The following CAPN11 variants were observed in gnomAD, a reference collection of about 807,000 sequenced individuals.
CAPN11 encodes calpain-11.
CAPN11 carries 108 observed loss-of-function variants against 105.3 expected under a neutral mutation model. That is an observed-to-expected ratio of 1.03 (90% confidence interval 0.88 to 1.20). The LOEUF (loss-of-function observed/expected upper bound fraction) is 1.20. Among genes scored for constraint, CAPN11 ranks in the 50% most tolerant of loss-of-function variants. CAPN11 has a pLI of 0.00. For missense variants in CAPN11, 883 were observed against 924.8 expected, an observed-to-expected ratio of 0.95 and a Z score of 0.59; for synonymous variants, 329 against 344.5, an observed-to-expected ratio of 0.96 and a Z score of 0.50.
At chr6:44,181,919 TAC>T (rs1773636914) in intron 19 of CAPN11, among the ~76,000 whole-genome samples, 1 of 8,400 alleles carries the variant, frequency 1.2e-4, no homozygotes, top group Non-Finnish European at 2.5e-4. Flanking sequence ...CACACACACA[TAC>T]ACACTCACAT....
intron 7 of CAPN11, among the ~76,000 whole-genome samples, 189 bp from the exon 8 acceptor site, chr6:44,175,879 A>G (rs1249038002): frequency 6.6e-6 from 1 of 152,200 alleles, no homozygotes; most frequent in Non-Finnish European, 1.5e-5. Context: ...TATGGGATAC[A>G]CGGGATTTCT....
At chr6:44,170,573 C>A (rs935884044) in intron 4 of CAPN11, among the ~76,000 whole-genome samples, 1 of 152,170 alleles carries the variant, frequency 6.6e-6, no homozygotes, top group Non-Finnish European at 1.5e-5. Flanking sequence ...AGAGAGAGGA[C>A]AAGGAGGAAG....
intron 20 of CAPN11, 40 bp downstream of exon 20, chr6:44,183,059 G>T: frequency 6.3e-7 from 1 of 1,596,518 alleles, no homozygotes; most frequent in Non-Finnish European, 8.6e-7. Context: ...GCAGGGAAGA[G>T]GATGGCAGTG....
intron 12 of CAPN11, 84 bp downstream of exon 12, chr6:44,177,504 T>TTTC (rs1371478060): frequency 2.7e-5 from 35 of 1,287,572 alleles, no homozygotes; most frequent in Non-Finnish European, 3.5e-5. Flanking sequence ...TTTTTTTTTT[T>TTTC]CGAGACAGAG....
Position 44,176,992 on chromosome 6 carries a change from C to G in CAPN11, c.1231C>G (p.His411Asp). Residue 411 changes from histidine (H) to aspartate (D), a missense_variant, in exon 11 of 23, where the codon CAC (histidine) becomes GAC (aspartate). His to Asp is a moderately conservative substitution (Grantham distance 81). Transcript: ENST00000398776. ...RGSSAGGCRN[H>D]PGTFWTNPQF... ...CAGCTCCGCAGGGGGCTGCAGGAAC[C>G]ACCCTGGTGGGTGAGGGGTGAGAGG... 1 of 1,611,728 alleles carries G rather than the reference C, an allele frequency of 6.2e-7. No homozygotes were observed. Among genetic ancestry groups the G allele is most frequent in the Non-Finnish European group, 8.5e-7 (1 of 1,179,128 alleles).
rs1381370580 is a variant in CAPN11 at position 44,180,856 on chromosome 6, C to T, written c.1804+51C>T. 3.1e-6 allele frequency: 5 copies of T among 1,605,818 alleles called. No individual in the cohort carries two copies. The African/African-American group carries it at 6.7e-5, about 22-fold the overall frequency. ...CGACCCCTCCCCCATATTTTGTGCCCCTCTTGATCACTCCCAGTGCCCCCA... is the reference window on the plus strand; with the variant it reads ...CGACCCCTCCCCCATATTTTGTGCCTCTCTTGATCACTCCCAGTGCCCCCA... On this transcript the variant is annotated intron_variant, in intron 17 of 22. Transcript: ENST00000398776.
intron 19 of CAPN11, among the ~76,000 whole-genome samples, chr6:44,182,264 A>ACATACACACT (rs1561855654): frequency 4.0e-5 from 3 of 75,110 alleles, no homozygotes; most frequent in Non-Finnish European, 9.5e-5. Flanking sequence ...ACACACACAC[A>ACATACACACT]CACATACAGA....
At chr6:44,181,349 G>A (rs1447210175) in intron 19 of CAPN11, 29 bp downstream of exon 19, 1 of 1,602,588 alleles carries the variant, frequency 6.2e-7, no homozygotes, top group Non-Finnish European at 8.5e-7. Context: ...GCAGCCTCCA[G>A]GGGTGAGGAA....
intron 2 of CAPN11, among the ~76,000 whole-genome samples, chr6:44,167,497 C>CAAAAAAAAA (rs61107654): frequency 3.7e-5 from 1 of 27,076 alleles, no homozygotes; most frequent in African/African-American, 1.2e-4. Flanking sequence ...GACTCCATCT[C>CAAAAAAAAA]AAAAAAAAAA....
chr6:44,161,631 A>G (rs558812212), intron 1 of CAPN11, among the ~76,000 whole-genome samples: 5 of 152,320 alleles, frequency 3.3e-5, no homozygotes, highest in African/African-American at 9.6e-5. Flanking sequence ...TGGGGGCCAG[A>G]CAGTGAGAAA....
At position 44,172,333 on chromosome 6, in the gene CAPN11, C is replaced by A; in HGVS notation, c.441C>A (p.Ser147=). 6.4e-7 allele frequency: 1 copy of A among 1,555,004 alleles called. No homozygotes were observed. The highest frequency in any genetic ancestry group is 1.4e-5 in the African/African-American group (1 of 72,442). ...GCTGGCTGCTGGCTGCCATCGGCTC[C>A]CTTACCACCTGCCCCAAACTGCTAT... is the stretch of plus-strand genomic sequence containing the variant. ...GDCWLLAAIG[S]LTTCPKLLYR... is the part of the protein sequence containing the mutation. The change falls in exon 5 of 23, where the codon TCC becomes TCA. Residue 147 remains serine (S), a synonymous_variant. Transcript: ENST00000398776.
At chr6:44,171,014 A>G (rs1340346917) in intron 4 of CAPN11, among the ~76,000 whole-genome samples, 1 of 152,202 alleles carries the variant, frequency 6.6e-6, no homozygotes, top group Non-Finnish European at 1.5e-5. Context: ...CTTAGACCCC[A>G]GGGCCGCTGC....
chr6:44,179,696 G>A (rs537975572), intron 13 of CAPN11, 66 bp downstream of exon 13: 1 of 1,548,670 alleles, frequency 6.5e-7, no homozygotes, highest in Non-Finnish European at 8.9e-7. Flanking sequence ...GGCTGCAAGT[G>A]GATTGGCAAA....
intron 9 of CAPN11, 74 bp downstream of exon 9, chr6:44,176,412 C>G: frequency 7.1e-7 from 1 of 1,404,360 alleles, no homozygotes; most frequent in East Asian, 2.3e-5. Flanking sequence ...GACTGGTGTC[C>G]CATCTAGGAG....
In CAPN11 at chr6:44,166,447, C is replaced by T. The variant is rs570867641; in HGVS notation, c.17-311C>T. On this transcript the variant is annotated intron_variant, in intron 1 of 22. Coordinates refer to ENST00000398776, the MANE Select transcript of CAPN11 (RefSeq NM_007058.4). ...TGCAGGTACCCCCTTGTAGGGCTGGCGTGCCTGGCACAGAGAAGGTGCTCA... is the reference window on the plus strand; with the variant it reads ...TGCAGGTACCCCCTTGTAGGGCTGGTGTGCCTGGCACAGAGAAGGTGCTCA... Among the ~76,000 whole-genome samples, 10 of 152,254 alleles carry T rather than the reference C, an allele frequency of 6.6e-5. No homozygotes were observed. In the East Asian group the frequency reaches 1.2e-3, roughly 18 times the overall value.
At chr6:44,180,258 T>A in intron 14 of CAPN11, 95 bp downstream of exon 14, 2 of 1,020,600 alleles carry the variant, frequency 2.0e-6, no homozygotes, top group East Asian at 2.6e-5. Flanking sequence ...CCTCACTTTG[T>A]CCCTATTTTA....
At chr6:44,175,627 A>C (rs374056149) in intron 7 of CAPN11, among the ~76,000 whole-genome samples, 4 of 152,090 alleles carry the variant, frequency 2.6e-5, no homozygotes, top group African/African-American at 9.6e-5. Context: ...AATACAAGAA[A>C]TTAGCCAGGC....
chr6:44,169,623 C>T (rs567581864), intron 3 of CAPN11, 92 bp downstream of exon 3: 114 of 1,307,464 alleles, frequency 8.7e-5, no homozygotes, highest in Non-Finnish European at 1.2e-4. Context: ...CTTCAACCCC[C>T]CACTACCCCA....
intron 20 of CAPN11, 28 bp downstream of exon 20, chr6:44,183,047 G>A (rs1774056181): frequency 6.2e-7 from 1 of 1,605,130 alleles, no homozygotes; most frequent in Admixed American, 1.7e-5. Context: ...GTGGGCCTTG[G>A]GGCAGGGAAG....
Sources: gnomAD v4.1 joint callset for allele counts (sites outside exome capture counted in the v4.1 genomes callset) on GRCh38, gnomAD v4.1.1 for gene constraint, MANE v1.5 for transcripts, NCBI Gene and HGNC (gene_info 2026-07-23, HGNC 2026-07-21) for gene names.